The following CCDC27 variants were observed in gnomAD, a reference collection of about 807,000 sequenced individuals.
CCDC27 encodes the protein coiled-coil domain containing 27, also known as coiled-coil domain-containing protein 27.
CCDC27 carries 80 observed loss-of-function variants against 80.3 expected under a neutral mutation model. That is an observed-to-expected ratio of 1.00 (90% CI 0.83 to 1.20). CCDC27 has a LOEUF of 1.20. CCDC27 is among the 50% of genes most tolerant of loss of function. The pLI, the probability that CCDC27 is intolerant of heterozygous loss-of-function variation, is 0.00. For missense variants in CCDC27, 815 were observed against 809.4 expected (o/e 1.01, Z -0.08); for synonymous variants, 342 against 334.3 (o/e 1.02, Z -0.25).
At chr1:3,764,207 C>G (rs1643172613) in intron 8 of CCDC27, among the ~76,000 whole-genome samples, 1 of 152,222 alleles carries the variant, frequency 6.6e-6, no homozygotes, top group African/African-American at 2.4e-5. Flanking sequence ...TGAGCCCACT[C>G]TTGTCGTTTT....
chr1:3,765,381 T>C (rs1643204251), intron 8 of CCDC27, among the ~76,000 whole-genome samples: 1 of 152,212 alleles, frequency 6.6e-6, no homozygotes, highest in African/African-American at 2.4e-5. Flanking sequence ...GAAACTCATG[T>C]CCTTTAGTTC....
intron 4 of CCDC27, among the ~76,000 whole-genome samples, chr1:3,759,981 T>C (rs1165866947): frequency 6.6e-6 from 1 of 152,250 alleles, no homozygotes; most frequent in Non-Finnish European, 1.5e-5. Context: ...CATCAGGCTT[T>C]TCTTTATCTC....
Position 3,764,979 on chromosome 1 carries a change from G to A in CCDC27, c.1452+1143G>A, listed in dbSNP as rs199772984. On this transcript the variant is annotated intron_variant, in intron 8 of 11. Coordinates refer to ENST00000294600, the MANE Select transcript of CCDC27 (RefSeq NM_152492.3). ...GAACCCAGGAGAAGGAGGTTGCAGT[G>A]AGCCAAGATTGCACCATTGCACTCC... 2.0e-5 allele frequency among the ~76,000 whole-genome samples: 3 copies of A among 149,296 alleles called. No individual in the cohort carries two copies. In the East Asian group the frequency reaches 5.9e-4, roughly 29 times the overall value.
chr1:3,764,942 G>C (rs1009083026), intron 8 of CCDC27, among the ~76,000 whole-genome samples: 2 of 151,494 alleles, frequency 1.3e-5, no homozygotes, highest in African/African-American at 4.9e-5. Flanking sequence ...GGCCAAGGCA[G>C]GAGAATCGCT....
In CCDC27 at chr1:3,769,716, G is replaced by C; in HGVS notation, c.1744-67G>C. On this transcript the variant is annotated intron_variant, in intron 10 of 11. Transcript: ENST00000294600. The surrounding 1 kb of genome is among the most constrained non-coding windows in gnomAD (Gnocchi z 4.6). ...TACATAAAAAATAAGGTGGTGGGGG[G>C]TGCAGCCCACTGGCCAGGTGCCTTC... The C allele has an allele frequency of 8.5e-6, 9 of 1,053,700 alleles. No individual in the cohort carries two copies. Among genetic ancestry groups the C allele is most frequent in the Non-Finnish European group, 1.3e-5 (9 of 668,780 alleles). The allele number at this position is 1,053,700 out of a possible 1,614,324, so 65.3% of individuals were successfully genotyped here. A position where few individuals can be genotyped will look rare whatever the true frequency, so the allele number is the denominator to read the frequency against.
In CCDC27 at chr1:3,771,588, GC is replaced by G; in HGVS notation, c.*70del. 1 of 1,565,114 alleles carries G rather than the reference GC, an allele frequency of 6.4e-7. No individual in the cohort carries two copies. Among genetic ancestry groups the G allele is most frequent in the Non-Finnish European group, 8.7e-7 (1 of 1,151,008 alleles). On this transcript the variant is annotated 3_prime_UTR_variant, in exon 12 of 12. Coordinates refer to ENST00000294600, the MANE Select transcript of CCDC27 (RefSeq NM_152492.3). ...CCGGGGCCCAGCTCCAGAACCACCC[GC>G]CCCCACCATGCGTCCTGCTCTCAGA...
Position 3,769,551 on chromosome 1 carries a change from T to C in CCDC27, c.1744-232T>C, listed in dbSNP as rs371166277. On this transcript the variant is annotated intron_variant, in intron 10 of 11. Coordinates refer to ENST00000294600, the MANE Select transcript of CCDC27 (RefSeq NM_152492.3). The surrounding 1 kb of genome is among the most constrained non-coding windows in gnomAD (Gnocchi z 4.6). ...AGCCCACCTGGTGTAGGAGAGTCTTTGGGCTTTGGGGCTGGGCCGCACAGG... is the reference window on the plus strand; with the variant it reads ...AGCCCACCTGGTGTAGGAGAGTCTTCGGGCTTTGGGGCTGGGCCGCACAGG... 9.2e-5 allele frequency among the ~76,000 whole-genome samples: 14 copies of C among 152,228 alleles called. No homozygotes were observed. The highest frequency in any genetic ancestry group is 3.4e-4 in the African/African-American group (14 of 41,532).
At position 3,761,699 on chromosome 1, in the gene CCDC27, C is replaced by T. The variant is rs1259639850; in HGVS notation, c.861+269C>T. On this transcript the variant is annotated intron_variant, in intron 5 of 11. Transcript: ENST00000294600. The surrounding 1 kb of genome is among the most constrained non-coding windows in gnomAD (Gnocchi z 5.0). ...GAGGCGCAAAATGACAAATGAGAGC[C>T]GTGAGCCGATGTCTAGGCACCTGCA... Among the ~76,000 whole-genome samples the T allele has an allele frequency of 6.6e-6, 1 of 152,050 alleles. No homozygotes were observed. The highest frequency in any genetic ancestry group is 1.5e-5 in the Non-Finnish European group (1 of 67,994).
intron 9 of CCDC27, 145 bp from the exon 10 acceptor site, chr1:3,767,088 C>T (rs1400210103): frequency 2.2e-5 from 15 of 678,348 alleles, no homozygotes; most frequent in Admixed American, 1.0e-4. Flanking sequence ...ATCCGCCCAC[C>T]GCAGCTTCCC....
In CCDC27 at chr1:3,761,537, T is replaced by A; in HGVS notation, c.861+107T>A. The A allele has an allele frequency of 7.4e-7, 1 of 1,347,386 alleles. No individual in the cohort carries two copies. Among genetic ancestry groups the A allele is most frequent in the Admixed American group, 2.4e-5 (1 of 41,560 alleles). The allele number at this position is 1,347,386 out of a possible 1,614,324, so 83.5% of individuals were successfully genotyped here. On this transcript the variant is annotated intron_variant, in intron 5 of 11. Coordinates refer to ENST00000294600, the MANE Select transcript of CCDC27 (RefSeq NM_152492.3). This position sits in a 1 kb window ranked among gnomAD's most constrained non-coding sequence, Gnocchi z 5.0. ...GCCCCTGGCAAACCCCCAGGCCCCCTGGATCCTATCAGGTCCTCACTGGAA... is the reference window on the plus strand; with the variant it reads ...GCCCCTGGCAAACCCCCAGGCCCCCAGGATCCTATCAGGTCCTCACTGGAA...
chr1:3,769,789 A>G lies in CCDC27; in HGVS notation c.1750A>G (p.Arg584Gly). Reference protein sequence around the residue: ...ALESSQSRLERLRNKIIQATF... With the variant: ...ALESSQSRLEGLRNKIIQATF... ...GTTGTCCCTTTGCTCACAGCTCGAG[A>G]GGTTAAGGAATAAGATCATCCAGGC... Residue 584 changes from arginine to glycine, a missense_variant, in exon 11 of 12, where the codon AGG becomes GGG. Arg to Gly is a moderately radical substitution (Grantham distance 125). Transcript: ENST00000294600. This position sits in a 1 kb window ranked among gnomAD's most constrained non-coding sequence, Gnocchi z 4.6. The G allele has an allele frequency of 6.2e-7, 1 of 1,613,338 alleles. No homozygotes were observed. The highest frequency in any genetic ancestry group is 8.5e-7 in the Non-Finnish European group (1 of 1,179,446).
intron 2 of CCDC27, among the ~76,000 whole-genome samples, chr1:3,754,998 T>C (rs1050906234): frequency 4.6e-5 from 7 of 151,994 alleles, no homozygotes; most frequent in African/African-American, 1.7e-4. Flanking sequence ...GGCATTTTTG[T>C]GGGCAGGTCT....
In CCDC27 at chr1:3,760,085, T is replaced by C. The variant is rs1643050950; in HGVS notation, c.712-1196T>C. On this transcript the variant is annotated intron_variant, in intron 4 of 11. Transcript: ENST00000294600. This position sits in a 1 kb window ranked among gnomAD's most constrained non-coding sequence, Gnocchi z 4.3. The stretch of plus-strand genomic sequence containing the variant: ...CAACAAGTTTGCAGCTGGCATTGTG[T>C]GAACTCGGCAGCTCTAACAGGAAAT... Among the ~76,000 whole-genome samples the C allele has an allele frequency of 4.6e-5, 7 of 152,222 alleles. No homozygotes were observed.
Position 3,763,412 on chromosome 1 carries a change from A to G in CCDC27, c.1259A>G (p.Gln420Arg), listed in dbSNP as rs1461585356. ...CTGGCCCAGCTGGAGGAGTACGAGC[A>G]GGTCATCCTGGACTTCCAGTTCAAC... ...ELLAQLEEYE[Q>R]VILDFQFNLE... Residue 420 changes from glutamine (Q) to arginine (R), a missense_variant, in exon 7 of 12, where the codon CAG becomes CGG. Coordinates refer to ENST00000294600, the MANE Select transcript of CCDC27 (RefSeq NM_152492.3). The surrounding 1 kb of genome is among the most constrained non-coding windows in gnomAD (Gnocchi z 7.5). 1.2e-6 allele frequency: 2 copies of G among 1,612,410 alleles called. No homozygotes were observed. The highest frequency in any genetic ancestry group is 1.7e-6 in the Non-Finnish European group (2 of 1,179,766).
rs368052589 is a variant in CCDC27, at chr1:3,763,488, G to A, written c.1321+14G>A. 2.5e-5 allele frequency: 40 copies of A among 1,575,320 alleles called. No homozygotes were observed. Among genetic ancestry groups the A allele is most frequent in the African/African-American group, 1.2e-4 (9 of 74,196 alleles). Reference sequence around the variant, plus strand: ...CCCTTGCAACAGGTAGGGCCTCGGCGGGGGGCACTGGGCTTTGGCCACTCA... The same window carrying A: ...CCCTTGCAACAGGTAGGGCCTCGGCAGGGGGCACTGGGCTTTGGCCACTCA... On this transcript the variant is annotated intron_variant, in intron 7 of 11. Transcript: ENST00000294600. This position sits in a 1 kb window ranked among gnomAD's most constrained non-coding sequence, Gnocchi z 7.5.
chr1:3,752,979 G>A (rs755279923), intron 1 of CCDC27, among the ~76,000 whole-genome samples, 180 bp downstream of exon 1: 5 of 152,198 alleles, frequency 3.3e-5, no homozygotes, highest in African/African-American at 4.8e-5. Flanking sequence ...AGAGCCCTGC[G>A]GTCCTCTCCC....
intron 4 of CCDC27, among the ~76,000 whole-genome samples, chr1:3,758,362 T>C (rs1643011807): frequency 6.6e-6 from 1 of 151,898 alleles, no homozygotes; most frequent in Admixed American, 6.6e-5. Context: ...CTAATTTTTG[T>C]ATTTTTAGTA....
rs1308993744 is a variant in CCDC27 at position 3,761,371 on chromosome 1, C to T, written c.802C>T (p.Gln268Ter). 1 of 1,613,992 alleles carries T rather than the reference C, an allele frequency of 6.2e-7. No homozygotes were observed. Among genetic ancestry groups the T allele is most frequent in the Non-Finnish European group, 8.5e-7 (1 of 1,180,024 alleles). Reference sequence around the variant, plus strand: ...GGAGGAGAGGGAGGCCCTGAAGATGCAGCTGAAATGCCTTCTGAAAGGCAA... The same window carrying T: ...GGAGGAGAGGGAGGCCCTGAAGATGTAGCTGAAATGCCTTCTGAAAGGCAA... ...LQEEREALKMQLKCLLKGKGQ... is the reference protein window; with the variant it reads ...LQEEREALKM The change falls in exon 5 of 12, where the codon CAG becomes TAG. Residue 268 changes from glutamine to a stop codon, truncating the protein, a stop_gained. Coordinates refer to ENST00000294600, the MANE Select transcript of CCDC27 (RefSeq NM_152492.3). LOFTEE classifies it high-confidence loss of function. This position sits in a 1 kb window ranked among gnomAD's most constrained non-coding sequence, Gnocchi z 5.0.
rs1557631816 is a variant in CCDC27, at chr1:3,768,365, G to A, written c.1743+920G>A. On this transcript the variant is annotated intron_variant, in intron 10 of 11. Transcript: ENST00000294600. The surrounding 1 kb of genome is among the most constrained non-coding windows in gnomAD (Gnocchi z 5.6). ...GCCTGCCTTGGCCTCCCGAAGTGTT[G>A]GGAATACAGGTGTGAGCTACCGTGC... Among the ~76,000 whole-genome samples the A allele has an allele frequency of 6.6e-6, 1 of 152,094 alleles. No homozygotes were observed. Among genetic ancestry groups the A allele is most frequent in the Non-Finnish European group, 1.5e-5 (1 of 68,028 alleles).
Sources: gnomAD v4.1 joint callset for allele counts (sites outside exome capture counted in the v4.1 genomes callset) on GRCh38, gnomAD v4.1.1 for gene constraint, Gnocchi (gnomAD v3.1) non-coding constraint, MANE v1.5 for transcripts, NCBI Gene and HGNC (gene_info 2026-07-23, HGNC 2026-07-21) for gene names.